The following CSMD1 variants were observed in gnomAD, a reference collection of about 807,000 sequenced individuals.
CSMD1 encodes CUB and Sushi multiple domains 1.
A neutral mutation model predicts 417.5 loss-of-function variants in CSMD1; 213 were observed. The ratio of observed to expected loss-of-function variants is 0.51; its 90% CI spans 0.46 to 0.57. CSMD1 has a LOEUF of 0.57. Among genes scored for constraint, CSMD1 ranks in the 20% least tolerant of loss-of-function variants. The pLI, the probability that CSMD1 is intolerant of heterozygous loss-of-function variation, is 0.00. For synonymous variants in CSMD1, 2,862 were observed against 1,736.8 expected (o/e 1.65, Z -16.11); for missense variants, 6,923 against 4,529.7 (o/e 1.53, Z -15.17).
At chr8:3,829,250 C>G (rs1037032166) in intron 5 of CSMD1, among the ~76,000 whole-genome samples, 2 of 152,130 alleles carry the variant, frequency 1.3e-5, no homozygotes, top group Non-Finnish European at 2.9e-5. Context: ...CATAGCTTAG[C>G]TCCCACATAT....
At chr8:4,701,532 TG>T (rs1266819993) in intron 1 of CSMD1, among the ~76,000 whole-genome samples, 3 of 151,936 alleles carry the variant, frequency 2.0e-5, no homozygotes, top group Non-Finnish European at 4.4e-5. Flanking sequence ...GAAGCATCAA[TG>T]GTGGGCATGG....
At chr8:3,289,232 G>A (rs979800245) in intron 25 of CSMD1, among the ~76,000 whole-genome samples, 1 of 147,264 alleles carries the variant, frequency 6.8e-6, no homozygotes, top group Non-Finnish European at 1.5e-5. Context: ...ATCGTTGTTG[G>A]ACATTTAGGT....
Position 3,189,952 on chromosome 8 carries a change from G to C in CSMD1, c.5358C>G (p.Asn1786Lys). 1.3e-6 allele frequency: 2 copies of C among 1,596,572 alleles called. No individual in the cohort carries two copies. Among genetic ancestry groups the C allele is most frequent in the Non-Finnish European group, 1.7e-6 (2 of 1,171,916 alleles). Residue 1786 changes from asparagine to lysine, a missense_variant, in exon 34 of 70, where the codon AAC (asparagine) becomes AAG (lysine). Coordinates refer to ENST00000635120, the MANE Select transcript of CSMD1 (RefSeq NM_033225.6). ...TCGTGTCGTTCCACTGTGCCAAGGC[G>C]TTGGGCACGGACTGGCAGTGGAGCG... is the stretch of plus-strand genomic sequence containing the variant. Reference protein sequence around the residue: ...STALHCQSVPNALAQWNDTIP... With the variant: ...STALHCQSVPKALAQWNDTIP...
chr8:3,519,178 T>C (rs1313137495), intron 10 of CSMD1, among the ~76,000 whole-genome samples: 2 of 152,220 alleles, frequency 1.3e-5, no homozygotes, highest in African/African-American at 4.8e-5. Flanking sequence ...TCCTTAATCC[T>C]GAACACGTGA....
intron 37 of CSMD1, among the ~76,000 whole-genome samples, chr8:3,180,734 A>C (rs745938386): frequency 2.6e-5 from 4 of 151,966 alleles, no homozygotes; most frequent in Non-Finnish European, 5.9e-5. Context: ...CTCCCAGGTG[A>C]TTCTCCTGCC....
chr8:3,661,246 C>T (rs1052510330), intron 7 of CSMD1, among the ~76,000 whole-genome samples: 9 of 152,180 alleles, frequency 5.9e-5, no homozygotes, highest in African/African-American at 2.2e-4. Context: ...AGAGCTCAGC[C>T]TTGGCCAGTC....
At chr8:4,929,442 T>C (rs1022849759) in intron 1 of CSMD1, among the ~76,000 whole-genome samples, 6 of 152,200 alleles carry the variant, frequency 3.9e-5, no homozygotes, top group African/African-American at 1.4e-4. Context: ...AGAAGTTTAA[T>C]TCACAAAGAT....
chr8:3,458,388 G>C (rs1270086874), intron 12 of CSMD1, among the ~76,000 whole-genome samples: 1 of 151,930 alleles, frequency 6.6e-6, no homozygotes, highest in East Asian at 1.9e-4. Context: ...ATATAACTCA[G>C]AAAAAAATGG....
intron 3 of CSMD1, among the ~76,000 whole-genome samples, chr8:4,287,555 A>AG (rs755119990): frequency 1.7e-4 from 26 of 152,072 alleles, no homozygotes; most frequent in Non-Finnish European, 2.9e-4. Flanking sequence ...GATAACAAAG[A>AG]CGGGGGACTA....
At chr8:3,330,278 A>G (rs1806806099) in intron 23 of CSMD1, among the ~76,000 whole-genome samples, 2 of 152,250 alleles carry the variant, frequency 1.3e-5, no homozygotes, top group African/African-American at 4.8e-5. Context: ...CTGTTCTACC[A>G]TAAAGACATA....
chr8:4,493,904 G>A (rs1430818167), intron 2 of CSMD1, among the ~76,000 whole-genome samples: 1 of 152,144 alleles, frequency 6.6e-6, no homozygotes, highest in Non-Finnish European at 1.5e-5. Context: ...AAATTAAAAT[G>A]ATAGACACTA....
intron 65 of CSMD1, among the ~76,000 whole-genome samples, chr8:2,953,075 C>G (rs1255961108): frequency 6.6e-6 from 1 of 152,020 alleles, no homozygotes; most frequent in Admixed American, 6.6e-5. Context: ...ATAGATATTT[C>G]AATATCTTAA....
At chr8:3,325,589 C>T (rs1439074885) in intron 23 of CSMD1, among the ~76,000 whole-genome samples, 4 of 152,124 alleles carry the variant, frequency 2.6e-5, no homozygotes, top group East Asian at 1.9e-4. Context: ...TTTGGGAGGC[C>T]GAGGCGGGCA....
chr8:3,935,410 A>T (rs897769691), intron 5 of CSMD1, among the ~76,000 whole-genome samples: 1 of 152,194 alleles, frequency 6.6e-6, no homozygotes, highest in Non-Finnish European at 1.5e-5. Context: ...TGCATTTTGC[A>T]AATAACTGGG....
chr8:3,077,476 G>A (rs1369635302), intron 49 of CSMD1, among the ~76,000 whole-genome samples: 1 of 152,220 alleles, frequency 6.6e-6, no homozygotes, highest in Non-Finnish European at 1.5e-5. Flanking sequence ...CAGCCTCAGA[G>A]CAAAGCACTC....
chr8:3,474,500 C>T (rs62474173), intron 11 of CSMD1, among the ~76,000 whole-genome samples: 1 of 152,070 alleles, frequency 6.6e-6, no homozygotes, highest in African/African-American at 2.4e-5. Context: ...AGTAATCTTT[C>T]TTGTCTTCAT....
At chr8:4,171,678 AT>A (rs757193619) in intron 3 of CSMD1, among the ~76,000 whole-genome samples, 2 of 149,746 alleles carry the variant, frequency 1.3e-5, no homozygotes, top group Non-Finnish European at 2.9e-5. Context: ...CTGGTAGAAT[AT>A]TTAGAACAAA....
intron 3 of CSMD1, among the ~76,000 whole-genome samples, chr8:4,126,014 T>G (rs1317134397): frequency 1.3e-5 from 2 of 152,074 alleles, no homozygotes; most frequent in Non-Finnish European, 2.9e-5. Flanking sequence ...GACCCTGCAC[T>G]CCATGGATCA....
At chr8:3,339,599 A>G (rs1043056581) in intron 23 of CSMD1, among the ~76,000 whole-genome samples, 10 of 152,234 alleles carry the variant, frequency 6.6e-5, no homozygotes, top group Non-Finnish European at 1.5e-4. Flanking sequence ...CTATGTCAAT[A>G]TCAATAAATT....
Sources: gnomAD v4.1 joint callset for allele counts (sites outside exome capture counted in the v4.1 genomes callset) on GRCh38, gnomAD v4.1.1 for gene constraint, MANE v1.5 for transcripts, NCBI Gene and HGNC (gene_info 2026-07-23, HGNC 2026-07-21) for gene names.